The following SKIC3 variants were observed in gnomAD, a reference collection of about 807,000 sequenced individuals.
The protein encoded by SKIC3 is superkiller complex protein 3.
the SKIC3 span, among the ~76,000 whole-genome samples, chr5:95,472,302 C>A: frequency 1.3e-5 from 2 of 152,220 alleles, no homozygotes; most frequent in Non-Finnish European, 2.9e-5. Context: ...CTCCTGCCTA[C>A]CCTTGGGATT....
the SKIC3 span, among the ~76,000 whole-genome samples, chr5:95,509,359 A>G: frequency 4.8e-4 from 73 of 152,096 alleles, 2 homozygotes; most frequent in Non-Finnish European, 1.2e-4. Flanking sequence ...AGGAAAAAAG[A>G]AAAAAAACCT....
At chr5:95,520,829 G>T in the SKIC3 span, 56 of 1,586,970 alleles carry the variant, frequency 3.5e-5, no homozygotes, top group Non-Finnish European at 4.8e-5. Flanking sequence ...CTAAAATCAG[G>T]TAAGTTTGTC....
chr5:95,512,619 C>T, the SKIC3 span: 2 of 1,613,788 alleles, frequency 1.2e-6, no homozygotes, highest in Non-Finnish European at 1.7e-6. Context: ...CTCCTTCAGT[C>T]TTTAAAAAAG....
chr5:95,514,966 A>C, the SKIC3 span: 2 of 1,572,676 alleles, frequency 1.3e-6, no homozygotes, highest in Non-Finnish European at 1.7e-6. Context: ...GTCATTTTAT[A>C]AACTTATTAA....
the SKIC3 span, chr5:95,509,532 ATTCTCCAGGAACCC>A: frequency 3.1e-6 from 4 of 1,277,088 alleles, no homozygotes; most frequent in Non-Finnish European, 4.5e-6. Flanking sequence ...CCAGTCAGAG[ATTCTCCAGGAACCC>A]TTCCCCTCAT....
At chr5:95,496,738 C>T in the SKIC3 span, among the ~76,000 whole-genome samples, 2 of 152,068 alleles carry the variant, frequency 1.3e-5, no homozygotes, top group Admixed American at 6.5e-5. Context: ...GTAGGAATAA[C>T]GAACAAGACT....
chr5:95,498,692 C>G, the SKIC3 span: 8 of 1,074,664 alleles, frequency 7.4e-6, no homozygotes, highest in Non-Finnish European at 1.1e-5. Context: ...GTGGCACCAT[C>G]TCGGCTCACT....
the SKIC3 span, among the ~76,000 whole-genome samples, chr5:95,517,551 G>T: frequency 6.6e-6 from 1 of 151,892 alleles, no homozygotes. Context: ...ACTTTTTTTT[G>T]TTACTCTTCA....
the SKIC3 span, among the ~76,000 whole-genome samples, chr5:95,547,618 G>T: frequency 2.0e-5 from 3 of 151,940 alleles, no homozygotes; most frequent in Admixed American, 2.0e-4. Context: ...ATTAATAAGT[G>T]TTGAAATTGA....
At chr5:95,480,356 C>T in the SKIC3 span, among the ~76,000 whole-genome samples, 2 of 151,702 alleles carry the variant, frequency 1.3e-5, no homozygotes, top group Admixed American at 6.6e-5. Flanking sequence ...TAATAAATTC[C>T]AATAATTTAG....
chr5:95,549,149 T>C, the SKIC3 span, among the ~76,000 whole-genome samples: 3 of 152,032 alleles, frequency 2.0e-5, no homozygotes, highest in Non-Finnish European at 4.4e-5. Flanking sequence ...TATTAATGGC[T>C]TCTATTAATA....
At chr5:95,486,679 G>A in the SKIC3 span, among the ~76,000 whole-genome samples, 1 of 152,290 alleles carries the variant, frequency 6.6e-6, no homozygotes, top group East Asian at 1.9e-4. Context: ...ATTAGTATTT[G>A]AGCACTCCTC....
chr5:95,538,717 A>G, the SKIC3 span, among the ~76,000 whole-genome samples: 2 of 152,104 alleles, frequency 1.3e-5, no homozygotes, highest in Non-Finnish European at 2.9e-5. Context: ...AATTCTCTTC[A>G]ATTACTTTAA....
At chr5:95,500,021 CTT>C in the SKIC3 span, among the ~76,000 whole-genome samples, 5 of 148,628 alleles carry the variant, frequency 3.4e-5, no homozygotes, top group African/African-American at 7.4e-5. Context: ...TTTTTAAAAA[CTT>C]TTTTTTTTAA....
the SKIC3 span, among the ~76,000 whole-genome samples, chr5:95,498,841 G>T: frequency 3.3e-5 from 5 of 152,128 alleles, no homozygotes; most frequent in African/African-American, 1.2e-4. Context: ...TAGCTAGGAT[G>T]GTCTCAATCT....
chr5:95,511,969 G>A, the SKIC3 span, among the ~76,000 whole-genome samples: 2 of 152,158 alleles, frequency 1.3e-5, no homozygotes, highest in South Asian at 2.1e-4. Context: ...AAACCTAAAT[G>A]TATCTTTCCA....
chr5:95,512,839 G>C, the SKIC3 span: 1 of 524,214 alleles, frequency 1.9e-6, no homozygotes, highest in African/African-American at 1.9e-5. Flanking sequence ...GAATCAAACG[G>C]GATAAAATGC....
At chr5:95,494,048 C>T in the SKIC3 span, among the ~76,000 whole-genome samples, 19 of 151,988 alleles carry the variant, frequency 1.3e-4, no homozygotes, top group Middle Eastern at 3.4e-3. Flanking sequence ...GCTAACTACA[C>T]GTAAAAATAT....
chr5:95,544,747 G>T, the SKIC3 span, among the ~76,000 whole-genome samples: 1 of 152,228 alleles, frequency 6.6e-6, no homozygotes, highest in Non-Finnish European at 1.5e-5. Context: ...TCTGCCTGAT[G>T]ACCAGGTTTT....
Sources: gnomAD v4.1 joint callset for allele counts (sites outside exome capture counted in the v4.1 genomes callset) on GRCh38, gnomAD v4.1.1 for gene constraint, MANE v1.5 for transcripts, NCBI Gene and HGNC (gene_info 2026-07-23, HGNC 2026-07-21) for gene names.